The following BPI variants were observed in gnomAD, a reference collection of about 807,000 sequenced individuals.
The protein encoded by BPI is bactericidal permeability-increasing protein.
Under a neutral mutation model 57.6 loss-of-function variants are expected in BPI, and 48 were observed. The observed-to-expected ratio is 0.83, with a 90% CI of 0.66 to 1.06. The LOEUF (loss-of-function observed/expected upper bound fraction) is 1.06, where lower values mean the gene tolerates loss of function less well. Among genes scored for constraint, BPI ranks in the 50% least tolerant of loss-of-function variants. BPI has a pLI of 0.00. For missense variants in BPI, 651 were observed against 609.7 expected, an observed-to-expected ratio of 1.07 and a Z score of -0.71; for synonymous variants, 237 against 238.2, an observed-to-expected ratio of 0.99 and a Z score of 0.05.
intron 1 of BPI, among the ~76,000 whole-genome samples, chr20:38,306,963 A>T (rs59808692): frequency 0.024 from 3,664 of 152,230 alleles, 133 homozygotes; most frequent in African/African-American, 0.083. Context: ...TGAGAGGATC[A>T]CTTGAGCCCA....
chr20:38,318,251 A>G (rs2076662275), intron 5 of BPI, among the ~76,000 whole-genome samples, 162 bp from the exon 6 acceptor site: 1 of 152,172 alleles, frequency 6.6e-6, no homozygotes, highest in African/African-American at 2.4e-5. Context: ...TACATGTTCA[A>G]CTCTGAGCTT....
At chr20:38,323,627 C>T (rs766495899) in intron 7 of BPI, among the ~76,000 whole-genome samples, 16 of 152,230 alleles carry the variant, frequency 1.1e-4, no homozygotes, top group Non-Finnish European at 2.1e-4. Flanking sequence ...ACTTCACCTC[C>T]TTGTGCCTCA....
intron 1 of BPI, among the ~76,000 whole-genome samples, chr20:38,306,833 C>T (rs985528726): frequency 3.3e-5 from 5 of 151,982 alleles, no homozygotes; most frequent in East Asian, 1.9e-4. Context: ...TACAGCCCTC[C>T]GTTTTTGTAT....
chr20:38,309,147 T>G, intron 3 of BPI, 89 bp downstream of exon 3: 1 of 1,588,930 alleles, frequency 6.3e-7, no homozygotes, highest in Non-Finnish European at 8.6e-7. Flanking sequence ...ATGCCCAATT[T>G]TTGCCTTGCC....
chr20:38,309,111 G>T (rs1173585385), intron 3 of BPI, 53 bp downstream of exon 3: 3 of 1,608,524 alleles, frequency 1.9e-6, no homozygotes, highest in South Asian at 1.1e-5. Flanking sequence ...ATATTTGGAC[G>T]GGATTAGAGA....
At chr20:38,320,383 C>T (rs2076675288) in intron 7 of BPI, 109 bp downstream of exon 7, 4 of 955,496 alleles carry the variant, frequency 4.2e-6, no homozygotes, top group Non-Finnish European at 6.3e-6. Context: ...TCCTATCTGA[C>T]TCACCACCAC....
chr20:38,316,388 G>A (rs1317137838), intron 5 of BPI, among the ~76,000 whole-genome samples: 1 of 152,252 alleles, frequency 6.6e-6, no homozygotes, highest in East Asian at 1.9e-4. Context: ...TTGGGGACCA[G>A]TAGGACACAC....
chr20:38,314,770 TGG>T (rs1486761355), intron 5 of BPI, among the ~76,000 whole-genome samples: 1 of 142,212 alleles, frequency 7.0e-6, no homozygotes. Context: ...ATGGTAATGG[TGG>T]GGATGATGAT....
In BPI at chr20:38,307,626, T is replaced by G. The variant is rs753773203; in HGVS notation, c.190T>G (p.Tyr64Asp). ...GCTGAAGAGGATCAAGATTCCTGAC[T>G]ACTCAGACAGCTTTAAGATCAAGCA... ...KELKRIKIPD[Y>D]SDSFKIKHLG... The change falls in exon 2 of 15, where the codon TAC becomes GAC. Residue 64 changes from tyrosine (Y) to aspartate (D), a missense_variant. By Grantham distance (160) the Tyr-to-Asp change is radical. Coordinates refer to ENST00000642449, the MANE Select transcript of BPI (RefSeq NM_001725.3). 2.5e-6 allele frequency: 4 copies of G among 1,612,342 alleles called. No individual in the cohort carries two copies. In the South Asian group the frequency reaches 4.4e-5, roughly 18 times the overall value.
chr20:38,329,408 T>C (rs1179647174), intron 11 of BPI, among the ~76,000 whole-genome samples: 1 of 152,222 alleles, frequency 6.6e-6, no homozygotes, highest in Admixed American at 6.5e-5. Flanking sequence ...CAGAGGTTTA[T>C]GTGCTACTCA....
chr20:38,330,323 G>A (rs1026559943), intron 11 of BPI, among the ~76,000 whole-genome samples: 7 of 152,286 alleles, frequency 4.6e-5, no homozygotes, highest in African/African-American at 1.7e-4. Context: ...CTCTGAGTAT[G>A]TTTCCTCATC....
In BPI at chr20:38,310,505, A is replaced by G. The variant is rs1218738226; in HGVS notation, c.389A>G (p.Asn130Ser). The part of the protein sequence containing the change: ...AQKRFLKMSG[N>S]FDLSIEGMSI... Reference sequence around the variant, plus strand: ...TTCTTCTTCAGAAAAATGAGCGGCAATTTTGACCTGAGCATAGAAGGCATG... The same window carrying G: ...TTCTTCTTCAGAAAAATGAGCGGCAGTTTTGACCTGAGCATAGAAGGCATG... The change falls in exon 4 of 15, where the codon AAT becomes AGT. Residue 130 changes from asparagine to serine, a missense_variant. Coordinates refer to ENST00000642449, the MANE Select transcript of BPI (RefSeq NM_001725.3). 1 of 1,613,308 alleles carries G rather than the reference A, an allele frequency of 6.2e-7. No homozygotes were observed. The highest frequency in any genetic ancestry group is 8.5e-7 in the Non-Finnish European group (1 of 1,179,356).
intron 3 of BPI, among the ~76,000 whole-genome samples, chr20:38,309,594 A>G (rs183774492): frequency 1.3e-5 from 2 of 152,330 alleles, no homozygotes; most frequent in Admixed American, 1.3e-4. Flanking sequence ...CAGAATTTAT[A>G]TACCATGGCC....
At chr20:38,314,659 T>C (rs1238050191) in intron 5 of BPI, among the ~76,000 whole-genome samples, 4 of 144,916 alleles carry the variant, frequency 2.8e-5, no homozygotes, top group Non-Finnish European at 6.0e-5. Flanking sequence ...GTGGGGATGA[T>C]GATAATGATG....
At chr20:38,318,059 C>T (rs2076661245) in intron 5 of BPI, 8 of 981,956 alleles carry the variant, frequency 8.1e-6, no homozygotes, top group Non-Finnish European at 9.7e-6. Flanking sequence ...CCTCATTCCA[C>T]AAAGGATCTG....
intron 2 of BPI, among the ~76,000 whole-genome samples, chr20:38,308,237 C>T (rs974411132): frequency 6.6e-6 from 1 of 152,206 alleles, no homozygotes; most frequent in Non-Finnish European, 1.5e-5. Context: ...TATACACAGC[C>T]CTGAGCCAAT....
At chr20:38,333,016 T>G (rs1465905032) in intron 12 of BPI, among the ~76,000 whole-genome samples, 1 of 152,120 alleles carries the variant, frequency 6.6e-6, no homozygotes, top group Non-Finnish European at 1.5e-5. Context: ...ATTCCCGAGA[T>G]GCCCCCAAGT....
chr20:38,331,156 A>G, intron 12 of BPI, 66 bp downstream of exon 12: 2 of 1,545,154 alleles, frequency 1.3e-6, no homozygotes, highest in Admixed American at 1.7e-5. Flanking sequence ...GGGACATGTC[A>G]TAGGCTCAAG....
In BPI at chr20:38,335,607, A is replaced by C; in HGVS notation, c.1346A>C (p.Gln449Pro). 3 of 1,614,054 alleles carry C rather than the reference A, an allele frequency of 1.9e-6. No homozygotes were observed. Among genetic ancestry groups the C allele is most frequent in the Non-Finnish European group, 2.5e-6 (3 of 1,179,924 alleles). The change falls in exon 14 of 15, where the codon CAG becomes CCG. Residue 449 changes from glutamine to proline, a missense_variant. Physicochemically the swap from Gln to Pro is moderately conservative, Grantham distance 76 (BLOSUM62 -1). Transcript: ENST00000642449. ...LVLPRVNEKL[Q>P]KGFPLPTPAR... ...TCGGTCTCTGTCACAGAGAAACTACAGAAAGGCTTCCCTCTCCCGACGCCG... is the reference window on the plus strand; with the variant it reads ...TCGGTCTCTGTCACAGAGAAACTACCGAAAGGCTTCCCTCTCCCGACGCCG...
Sources: gnomAD v4.1 joint callset for allele counts (sites outside exome capture counted in the v4.1 genomes callset) on GRCh38, gnomAD v4.1.1 for gene constraint, MANE v1.5 for transcripts, NCBI Gene and HGNC (gene_info 2026-07-23, HGNC 2026-07-21) for gene names.